Variants in RABGAP1L observed in about 807,000 individuals in gnomAD.
RABGAP1L encodes rab GTPase-activating protein 1-like.
Under a neutral mutation model 137.7 loss-of-function variants are expected in RABGAP1L, and 63 were observed. The ratio of observed to expected loss-of-function variants is 0.46; its 90% CI spans 0.37 to 0.56. RABGAP1L has a LOEUF of 0.56. RABGAP1L is among the 20% of genes least tolerant of loss of function. The pLI, the probability that RABGAP1L is intolerant of heterozygous loss-of-function variation, is 0.00. For missense variants in RABGAP1L, 1,095 were observed against 1,244.0 expected, an observed-to-expected ratio of 0.88 and a Z score of 1.80; for synonymous variants, 431 against 433.7, an observed-to-expected ratio of 0.99 and a Z score of 0.08.
At chr1:174,371,190 ATATCT>A in intron 12 of RABGAP1L, 118 bp downstream of exon 12, 2 of 426,428 alleles carry the variant, frequency 4.7e-6, no homozygotes, top group Non-Finnish European at 4.0e-6. Context: ...ATCTATCTTA[ATATCT>A]TAATATTGTT....
chr1:174,564,943 T>C (rs1234797287), intron 13 of RABGAP1L, among the ~76,000 whole-genome samples: 1 of 152,174 alleles, frequency 6.6e-6, no homozygotes, highest in East Asian at 1.9e-4. Flanking sequence ...AAAAAGTTAT[T>C]TTATAATATC....
At chr1:174,688,668 A>G (rs1412531959) in intron 15 of RABGAP1L, among the ~76,000 whole-genome samples, 2 of 152,130 alleles carry the variant, frequency 1.3e-5, no homozygotes, top group Non-Finnish European at 2.9e-5. Flanking sequence ...AATGTCCACT[A>G]CTAAAATGTC....
chr1:174,742,879 A>G (rs1683561089), intron 17 of RABGAP1L, among the ~76,000 whole-genome samples: 1 of 152,180 alleles, frequency 6.6e-6, no homozygotes, highest in Admixed American at 6.5e-5. Context: ...CCTCCCTATC[A>G]TTCCCTAGGT....
At chr1:174,454,781 C>T (rs1182991878) in intron 13 of RABGAP1L, among the ~76,000 whole-genome samples, 2 of 151,896 alleles carry the variant, frequency 1.3e-5, no homozygotes, top group Non-Finnish European at 2.9e-5. Flanking sequence ...GATCTCCTGA[C>T]CTCCTCGTGT....
intron 21 of RABGAP1L, 38 bp from the exon 22 acceptor site, chr1:174,976,040 G>T: frequency 1.1e-6 from 1 of 940,472 alleles, no homozygotes; most frequent in South Asian, 1.8e-5. Flanking sequence ...CCCTCTGTAT[G>T]ACTGTGATGT....
At chr1:174,941,495 G>T (rs1665865445) in intron 19 of RABGAP1L, among the ~76,000 whole-genome samples, 1 of 152,212 alleles carries the variant, frequency 6.6e-6, no homozygotes, top group African/African-American at 2.4e-5. Context: ...TTGCTCATAA[G>T]ATTCTGGCAA....
chr1:174,519,771 G>A (rs1663206722), intron 13 of RABGAP1L, among the ~76,000 whole-genome samples: 1 of 152,132 alleles, frequency 6.6e-6, no homozygotes, highest in Non-Finnish European at 1.5e-5. Flanking sequence ...CTGTGCGTAG[G>A]TTCTTTACAT....
chr1:174,247,481 G>A (rs1199041411), intron 5 of RABGAP1L, among the ~76,000 whole-genome samples: 1 of 152,160 alleles, frequency 6.6e-6, no homozygotes, highest in Non-Finnish European at 1.5e-5. Flanking sequence ...ATTTTTTAAA[G>A]CATCTCTGGA....
At chr1:174,736,183 T>A (rs1409704648) in intron 17 of RABGAP1L, among the ~76,000 whole-genome samples, 1 of 152,098 alleles carries the variant, frequency 6.6e-6, no homozygotes, top group Non-Finnish European at 1.5e-5. Flanking sequence ...GTCTATGAGG[T>A]TAAATACAAG....
At chr1:174,885,112 C>T (rs1390669540) in intron 19 of RABGAP1L, among the ~76,000 whole-genome samples, 4 of 152,098 alleles carry the variant, frequency 2.6e-5, no homozygotes, top group Non-Finnish European at 4.4e-5. Flanking sequence ...GAAAGTAGTC[C>T]GGACTGAAAT....
chr1:174,437,537 T>A (rs981602339), intron 13 of RABGAP1L, among the ~76,000 whole-genome samples: 1 of 152,004 alleles, frequency 6.6e-6, no homozygotes, highest in African/African-American at 2.4e-5. Context: ...TAAAAAGAAA[T>A]GAACAAAGCC....
chr1:174,547,915 A>G (rs1666150844), intron 13 of RABGAP1L: 6 of 1,550,322 alleles, frequency 3.9e-6, no homozygotes, highest in Non-Finnish European at 5.2e-6. Context: ...GGTCTCCATG[A>G]CACCCTGTAA....
chr1:174,904,377 A>G (rs933353464), intron 19 of RABGAP1L, among the ~76,000 whole-genome samples: 4 of 152,186 alleles, frequency 2.6e-5, no homozygotes, highest in African/African-American at 4.8e-5. Context: ...TCTCTAAAAC[A>G]AAAAGAGAGA....
chr1:174,408,336 G>A (rs1649517378), intron 13 of RABGAP1L, among the ~76,000 whole-genome samples: 2 of 151,984 alleles, frequency 1.3e-5, no homozygotes, highest in Non-Finnish European at 2.9e-5. Context: ...CTGTTTTTTT[G>A]TTAATTTGGT....
At chr1:174,418,099 T>C (rs185241747) in intron 13 of RABGAP1L, among the ~76,000 whole-genome samples, 1 of 152,368 alleles carries the variant, frequency 6.6e-6, no homozygotes, top group East Asian at 1.9e-4. Flanking sequence ...GCTGCACATA[T>C]GCAGAACTTG....
chr1:174,829,281 AT>A lies in RABGAP1L; in HGVS notation c.2340+17322del, dbSNP rs1287345711. Among the ~76,000 whole-genome samples, 4 of 148,500 alleles carry A rather than the reference AT, an allele frequency of 2.7e-5. 1 individual carries two copies. The highest frequency in any genetic ancestry group is 6.7e-5 in the Admixed American group (1 of 14,850). Reference sequence around the variant, plus strand: ...AATACTTCTGGTAATAAACAGGAAAATCCTCAAATGTTACACTGAGTGGTAT... The same window carrying A: ...AATACTTCTGGTAATAAACAGGAAAACCTCAAATGTTACACTGAGTGGTAT... On this transcript the variant is annotated intron_variant, in intron 19 of 25. Transcript: ENST00000681986.
chr1:174,278,350 GAGCCAA>G (rs1428740995), intron 9 of RABGAP1L, among the ~76,000 whole-genome samples: 1 of 152,170 alleles, frequency 6.6e-6, no homozygotes, highest in Non-Finnish European at 1.5e-5. Flanking sequence ...AGGTTGCAGT[GAGCCAA>G]GATCGCTCCA....
At chr1:174,336,443 G>C (rs1421192651) in intron 11 of RABGAP1L, among the ~76,000 whole-genome samples, 1 of 152,114 alleles carries the variant, frequency 6.6e-6, no homozygotes, top group Non-Finnish European at 1.5e-5. Flanking sequence ...TTTATACTTG[G>C]ATGAAAAGGA....
At chr1:174,640,940 T>A (rs968967790) in intron 14 of RABGAP1L, among the ~76,000 whole-genome samples, 1 of 146,950 alleles carries the variant, frequency 6.8e-6, no homozygotes, top group Admixed American at 6.8e-5. Flanking sequence ...TTTTCTATAT[T>A]AAATATAATA....
Sources: gnomAD v4.1 joint callset for allele counts (sites outside exome capture counted in the v4.1 genomes callset) on GRCh38, gnomAD v4.1.1 for gene constraint, MANE v1.5 for transcripts, NCBI Gene and HGNC (gene_info 2026-07-23, HGNC 2026-07-21) for gene names.